Variants in KCNQ5 observed in about 807,000 individuals in gnomAD.
KCNQ5 encodes the protein potassium voltage-gated channel subfamily KQT member 5.
KCNQ5 carries 30 observed loss-of-function variants against 98.2 expected under a neutral mutation model. The observed-to-expected ratio is 0.31, with a 90% confidence interval of 0.23 to 0.41. The LOEUF (loss-of-function observed/expected upper bound fraction) is 0.41. Ranked by LOEUF, KCNQ5 falls within the 10% of genes least tolerant of loss-of-function variation. The pLI is 1.00. For synonymous variants in KCNQ5, 458 were observed against 449.4 expected, an observed-to-expected ratio of 1.02 and a Z score of -0.24; for missense variants, 835 against 1,182.5, an observed-to-expected ratio of 0.71 and a Z score of 4.31.
chr6:73,098,493 T>C (rs1222726636), intron 5 of KCNQ5, among the ~76,000 whole-genome samples: 1 of 152,132 alleles, frequency 6.6e-6, no homozygotes, highest in Non-Finnish European at 1.5e-5. Context: ...GAAAAGATTT[T>C]ATAAGCAGCA....
chr6:72,969,302 T>C (rs1044764307), intron 1 of KCNQ5, among the ~76,000 whole-genome samples: 3 of 152,188 alleles, frequency 2.0e-5, no homozygotes, highest in African/African-American at 4.8e-5. Context: ...ATGAACTTTG[T>C]GTTGGGTATT....
chr6:72,789,031 A>T (rs1773896804), intron 1 of KCNQ5, among the ~76,000 whole-genome samples: 1 of 152,208 alleles, frequency 6.6e-6, no homozygotes, highest in Non-Finnish European at 1.5e-5. Flanking sequence ...AGTCCAAACC[A>T]TACTTTCTGA....
chr6:73,004,064 A>C, intron 2 of KCNQ5, 66 bp downstream of exon 2: 1 of 846,168 alleles, frequency 1.2e-6, no homozygotes, highest in Non-Finnish European at 1.9e-6. Flanking sequence ...CATTTATACT[A>C]TGCATCTTAT....
chr6:73,124,970 TATATATATATACACACAC>T (rs1440178391), intron 9 of KCNQ5, among the ~76,000 whole-genome samples: 343 of 19,756 alleles, frequency 0.017, 11 homozygotes, highest in African/African-American at 0.083. Context: ...TATATATATA[TATATATATATACACACAC>T]ACACATATAT....
intron 1 of KCNQ5, among the ~76,000 whole-genome samples, chr6:72,900,437 G>GAT (rs911399544): frequency 1.7e-4 from 23 of 138,018 alleles, no homozygotes; most frequent in African/African-American, 5.0e-4. Flanking sequence ...GTATATATAT[G>GAT]ATATATATAT....
At chr6:72,700,227 GT>G (rs1183161739) in intron 1 of KCNQ5, among the ~76,000 whole-genome samples, 1 of 152,108 alleles carries the variant, frequency 6.6e-6, no homozygotes, top group Non-Finnish European at 1.5e-5. Flanking sequence ...ATTCGGTTCT[GT>G]TTGGTTTTAG....
intron 1 of KCNQ5, among the ~76,000 whole-genome samples, chr6:72,874,130 T>G (rs1022030217): frequency 1.3e-5 from 2 of 152,058 alleles, no homozygotes; most frequent in African/African-American, 4.8e-5. Context: ...GTTTTTAAGC[T>G]AAATGAGAAT....
intron 1 of KCNQ5, among the ~76,000 whole-genome samples, chr6:72,733,054 G>A (rs1022129069): frequency 1.4e-4 from 22 of 152,158 alleles, no homozygotes; most frequent in African/African-American, 4.8e-4. Context: ...GTGAAATGGG[G>A]TTAAGATGCT....
chr6:72,752,811 A>G (rs1771753230), intron 1 of KCNQ5, among the ~76,000 whole-genome samples: 1 of 152,124 alleles, frequency 6.6e-6, no homozygotes, highest in African/African-American at 2.4e-5. Context: ...AAGTATTAAT[A>G]CTATAAAATT....
At chr6:73,113,699 T>C (rs943977289) in intron 7 of KCNQ5, among the ~76,000 whole-genome samples, 13 of 152,262 alleles carry the variant, frequency 8.5e-5, no homozygotes, top group Non-Finnish European at 1.9e-4. Context: ...TTGTTATTTC[T>C]ACAGCAAATC....
intron 1 of KCNQ5, among the ~76,000 whole-genome samples, chr6:72,756,316 T>G (rs1771967400): frequency 6.6e-6 from 1 of 152,204 alleles, no homozygotes; most frequent in African/African-American, 2.4e-5. Flanking sequence ...TTTTGGTCAT[T>G]GTTAGCAGGA....
intron 2 of KCNQ5, among the ~76,000 whole-genome samples, chr6:73,032,609 C>T (rs1159389042): frequency 1.3e-5 from 2 of 152,158 alleles, no homozygotes; most frequent in Non-Finnish European, 1.5e-5. Flanking sequence ...TGATTCAGGA[C>T]ATTGATCTTC....
At chr6:72,984,508 C>T (rs1252619665) in intron 1 of KCNQ5, among the ~76,000 whole-genome samples, 1 of 152,148 alleles carries the variant, frequency 6.6e-6, no homozygotes, top group Admixed American at 6.5e-5. Context: ...GGCGTGAGAC[C>T]CATCGAGCCA....
rs140488136 is a variant in KCNQ5 at position 72,763,925 on chromosome 6, G to A, written c.398+141338G>A. 2.7e-3 allele frequency among the ~76,000 whole-genome samples: 406 copies of A among 151,956 alleles called. 1 individual carries two copies. The highest frequency in any genetic ancestry group is 9.0e-4 in the Non-Finnish European group (61 of 67,930). ...AAGTATGTAATCCCTTTTCACTTTT[G>A]TCTCCATTTCAATATAGAACACTAA... is the stretch of plus-strand genomic sequence containing the variant. On this transcript the variant is annotated intron_variant, in intron 1 of 13. Transcript: ENST00000370398.
chr6:72,744,678 G>T (rs898298151), intron 1 of KCNQ5, among the ~76,000 whole-genome samples: 3 of 152,098 alleles, frequency 2.0e-5, no homozygotes, highest in Non-Finnish European at 4.4e-5. Context: ...GGGTGTGGTG[G>T]TGGGAGCCTG....
chr6:72,752,104 T>G (rs1175240374), intron 1 of KCNQ5, among the ~76,000 whole-genome samples: 1 of 152,092 alleles, frequency 6.6e-6, no homozygotes, highest in African/African-American at 2.4e-5. Context: ...CAGTGAAAAG[T>G]CAAACATTTG....
chr6:72,694,526 C>T (rs1345385786), intron 1 of KCNQ5, among the ~76,000 whole-genome samples: 1 of 152,102 alleles, frequency 6.6e-6, no homozygotes, highest in Non-Finnish European at 1.5e-5. Context: ...CCCATATAAA[C>T]TCTATAGCTG....
intron 1 of KCNQ5, among the ~76,000 whole-genome samples, chr6:72,654,439 G>C (rs1434897961): frequency 6.6e-6 from 1 of 152,046 alleles, no homozygotes; most frequent in Non-Finnish European, 1.5e-5. Flanking sequence ...AGTAACCAAG[G>C]TACAGTAAAC....
intron 1 of KCNQ5, among the ~76,000 whole-genome samples, chr6:72,743,206 C>T (rs1175468827): frequency 6.6e-6 from 1 of 151,956 alleles, no homozygotes; most frequent in African/African-American, 2.4e-5. Flanking sequence ...AACTATGGAA[C>T]AGAAGTAGAA....
Sources: allele counts gnomAD v4.1 joint callset (sites outside exome capture counted in the v4.1 genomes callset), GRCh38; gene constraint gnomAD v4.1.1; transcripts MANE v1.5; gene names NCBI Gene and HGNC (gene_info 2026-07-23, HGNC 2026-07-21).